The following C6orf132 variants were observed in gnomAD, a reference collection of about 807,000 sequenced individuals.
C6orf132 encodes uncharacterized protein C6orf132.
A neutral mutation model predicts 65.3 loss-of-function variants in C6orf132; 43 were observed. That is an observed-to-expected ratio of 0.66 (90% CI 0.52 to 0.85). The LOEUF (loss-of-function observed/expected upper bound fraction) is 0.85, where lower values mean the gene tolerates loss of function less well. C6orf132 is among the 40% of genes least tolerant of loss of function. The probability of loss-of-function intolerance (pLI) is 0.00; values close to 1 mark genes in which losing one functional copy is unlikely to be tolerated. For synonymous variants in C6orf132, 631 were observed against 654.1 expected (o/e 0.96, Z 0.54); for missense variants, 1,488 against 1,548.8 (o/e 0.96, Z 0.66).
At chr6:42,141,860 G>C (rs556250863) in intron 1 of C6orf132, among the ~76,000 whole-genome samples, 64 of 152,292 alleles carry the variant, frequency 4.2e-4, no homozygotes, top group Middle Eastern at 3.4e-3. Context: ...GGGTGAGGGA[G>C]GAGTTCTTAG....
chr6:42,117,165 T>C (rs955360102), intron 2 of C6orf132, among the ~76,000 whole-genome samples: 1 of 152,218 alleles, frequency 6.6e-6, no homozygotes, highest in African/African-American at 2.4e-5. Context: ...TGTGTGATCC[T>C]CAGGCTCTGT....
At position 42,107,539 on chromosome 6, in the gene C6orf132, C is replaced by A; in HGVS notation, c.373G>T (p.Val125Leu). The change falls in exon 4 of 5, where the codon GTG becomes TTG. Residue 125 changes from valine (V) to leucine (L), a missense_variant. Physicochemically the swap from Val to Leu is conservative, Grantham distance 32. Coordinates refer to ENST00000341865, the MANE Select transcript of C6orf132 (RefSeq NM_001164446.3). ...TATTGTCCAGGCCTCAGGTCACCCA[C>A]AGAGCTGTACAGTCGGAGGTTGCCA... is the stretch of plus-strand genomic sequence containing the variant. ...VNGNLRLYSSVGDLRPGQYGQ... is the reference protein window; with the variant it reads ...VNGNLRLYSSLGDLRPGQYGQ... The A allele has an allele frequency of 6.4e-7, 1 of 1,550,680 alleles. No individual in the cohort carries two copies. The highest frequency in any genetic ancestry group is 8.7e-7 in the Non-Finnish European group (1 of 1,146,708).
intron 2 of C6orf132, among the ~76,000 whole-genome samples, chr6:42,122,583 C>G (rs927354407): frequency 2.6e-4 from 40 of 152,276 alleles, no homozygotes; most frequent in African/African-American, 9.6e-4. Flanking sequence ...CCTAACACCC[C>G]ACACCCCTCA....
chr6:42,112,663 C>T (rs998939425), intron 2 of C6orf132, among the ~76,000 whole-genome samples: 1 of 152,230 alleles, frequency 6.6e-6, no homozygotes, highest in African/African-American at 2.4e-5. Context: ...AGGGGAGACA[C>T]TTGTTTGCAC....
chr6:42,139,568 T>C (rs1767002221), intron 1 of C6orf132, among the ~76,000 whole-genome samples: 1 of 152,248 alleles, frequency 6.6e-6, no homozygotes, highest in Non-Finnish European at 1.5e-5. Context: ...AAGCAGGCCA[T>C]GGGCCAGAAT....
rs1378533407 is a variant in C6orf132, at chr6:42,104,941, C to T, written c.2971G>A (p.Glu991Lys). Residue 991 changes from glutamate to lysine, a missense_variant, in exon 4 of 5, where the codon GAG becomes AAG. Coordinates refer to ENST00000341865, the MANE Select transcript of C6orf132 (RefSeq NM_001164446.3). This position sits in a 1 kb window ranked among gnomAD's most constrained non-coding sequence, Gnocchi z 4.1. ...FNFEVIPPPPEFSNDPEPPAP... is the reference protein window; with the variant it reads ...FNFEVIPPPPKFSNDPEPPAP... ...GGGGGCTCAGGGTCATTGCTGAACTCTGGCGGCGGTGGGATGACCTCGAAG... is the reference window on the plus strand; with the variant it reads ...GGGGGCTCAGGGTCATTGCTGAACTTTGGCGGCGGTGGGATGACCTCGAAG... The T allele has an allele frequency of 2.0e-6, 3 of 1,477,704 alleles. No homozygotes were observed. Among genetic ancestry groups the T allele is most frequent in the Non-Finnish European group, 2.7e-6 (3 of 1,118,894 alleles). The allele number at this position is 1,477,704 out of a possible 1,614,324, so 91.5% of individuals were successfully genotyped here.
intron 2 of C6orf132, among the ~76,000 whole-genome samples, chr6:42,126,225 T>C (rs995394871): frequency 2.6e-5 from 4 of 151,532 alleles, no homozygotes; most frequent in African/African-American, 2.4e-5. Flanking sequence ...GGATTACAGG[T>C]GTGTGCCACC....
chr6:42,126,861 A>AAG, intron 2 of C6orf132: 1 of 455,962 alleles, frequency 2.2e-6, no homozygotes, highest in Non-Finnish European at 3.9e-6. Context: ...AAAAAAAAAA[A>AAG]AGAATATTTC....
At chr6:42,114,098 A>AAGG (rs1766531456) in intron 2 of C6orf132, among the ~76,000 whole-genome samples, 1 of 152,132 alleles carries the variant, frequency 6.6e-6, no homozygotes, top group African/African-American at 2.4e-5. Context: ...CTAAGGTAAT[A>AAGG]TTACTCACTA....
Position 42,106,935 on chromosome 6 carries a change from T to A in C6orf132, c.977A>T (p.Lys326Met), listed in dbSNP as rs1279325853. The A allele has an allele frequency of 6.5e-7, 1 of 1,536,204 alleles. No homozygotes were observed. The highest frequency in any genetic ancestry group is 8.7e-7 in the Non-Finnish European group (1 of 1,146,518). The change falls in exon 4 of 5, where the codon AAG becomes ATG. Residue 326 changes from lysine (K) to methionine (M), a missense_variant. Coordinates refer to ENST00000341865, the MANE Select transcript of C6orf132 (RefSeq NM_001164446.3). ...AGCCTTCTTGGTGGCCCCCTCTTCCTTTCGGGGAGCCTCTTGTGCTTCCTG... is the reference window on the plus strand; with the variant it reads ...AGCCTTCTTGGTGGCCCCCTCTTCCATTCGGGGAGCCTCTTGTGCTTCCTG... ...PVQEAQEAPR[K>M]EEGATKKAPS...
At chr6:42,122,717 A>T (rs1186178443) in intron 2 of C6orf132, among the ~76,000 whole-genome samples, 2 of 152,138 alleles carry the variant, frequency 1.3e-5, no homozygotes, top group Non-Finnish European at 2.9e-5. Flanking sequence ...GTTTAGAGAA[A>T]AGCTCCTGCA....
Position 42,107,474 on chromosome 6 carries a change from T to C in C6orf132, c.438A>G (p.Pro146=), listed in dbSNP as rs1391411646. Residue 146 remains proline, a synonymous_variant, in exon 4 of 5, where the codon CCA becomes CCG. Transcript: ENST00000341865. Reference sequence around the variant, plus strand: ...AAATGTCCTGAGGGGGCCCTGGGGCTGGGCCTGGGGGAGGTGGGGGGATGA... The same window carrying C: ...AAATGTCCTGAGGGGGCCCTGGGGCCGGGCCTGGGGGAGGTGGGGGGATGA... ...DLLIPPPPPG[P]APGPPQDISE... The C allele has an allele frequency of 2.5e-6, 3 of 1,213,466 alleles. No individual in the cohort carries two copies. Among genetic ancestry groups the C allele is most frequent in the East Asian group, 5.4e-5 (1 of 18,528 alleles). The allele number at this position is 1,213,466 out of a possible 1,614,324, so 75.2% of individuals were successfully genotyped here.
chr6:42,118,125 A>G (rs1766612023), intron 2 of C6orf132, among the ~76,000 whole-genome samples: 1 of 152,126 alleles, frequency 6.6e-6, no homozygotes, highest in Non-Finnish European at 1.5e-5. Flanking sequence ...CCCTTCTGTG[A>G]GTCAGCTCAC....
rs1204387603 is a variant in C6orf132 at position 42,104,980 on chromosome 6, C to T, written c.2932G>A (p.Glu978Lys). ...ATGACCTCGAAGTTGAACTCCTCCTCCTCCTCCTCCCTCTTGTTCGAAGGA... is the reference window on the plus strand; with the variant it reads ...ATGACCTCGAAGTTGAACTCCTCCTTCTCCTCCTCCCTCTTGTTCGAAGGA... ...PSPSNKREEE[E>K]EEFNFEVIPP... Residue 978 changes from glutamate to lysine, a missense_variant, in exon 4 of 5, where the codon GAG (glutamate) becomes AAG (lysine). By Grantham distance (56) the Glu-to-Lys change is moderately conservative. Coordinates refer to ENST00000341865, the MANE Select transcript of C6orf132 (RefSeq NM_001164446.3). The surrounding 1 kb of genome is among the most constrained non-coding windows in gnomAD (Gnocchi z 4.1). 3 of 1,507,342 alleles carry T rather than the reference C, an allele frequency of 2.0e-6. No individual in the cohort carries two copies. The highest frequency in any genetic ancestry group is 8.8e-7 in the Non-Finnish European group (1 of 1,131,992). 93.4% of individuals were successfully genotyped at this position (1,507,342 alleles called of 1,614,324 possible).
intron 1 of C6orf132, among the ~76,000 whole-genome samples, chr6:42,140,297 A>T (rs770590880): frequency 6.6e-6 from 1 of 152,248 alleles, no homozygotes; most frequent in Non-Finnish European, 1.5e-5. Context: ...AGAGGTGCTG[A>T]TGCCCACTAG....
In C6orf132 at chr6:42,120,091, C is replaced by T. The variant is rs537152123; in HGVS notation, c.252+8581G>A. ...CCTGGGCAACAAGAGCGAAACTCCA[C>T]CTCGAAAACAAAAACAAAAACAAAA... On this transcript the variant is annotated intron_variant, in intron 2 of 4. Coordinates refer to ENST00000341865, the MANE Select transcript of C6orf132 (RefSeq NM_001164446.3). Among the ~76,000 whole-genome samples, 252 of 151,674 alleles carry T rather than the reference C, an allele frequency of 1.7e-3. 2 individuals carry two copies. Among genetic ancestry groups the T allele is most frequent in the African/African-American group, 5.5e-3 (227 of 41,396 alleles).
chr6:42,133,311 AAG>A (rs1316918024), intron 1 of C6orf132, among the ~76,000 whole-genome samples: 3 of 152,250 alleles, frequency 2.0e-5, no homozygotes, highest in African/African-American at 7.2e-5. Context: ...TGCAGTGAGA[AAG>A]AGGGGCACAG....
intron 2 of C6orf132, among the ~76,000 whole-genome samples, chr6:42,125,891 G>A (rs1766756208): frequency 6.6e-6 from 1 of 152,188 alleles, no homozygotes; most frequent in African/African-American, 2.4e-5. Flanking sequence ...GGTCTTTGAG[G>A]GGCCCATAGC....
intron 2 of C6orf132, among the ~76,000 whole-genome samples, chr6:42,114,595 G>A (rs1766538347): frequency 6.6e-6 from 1 of 152,228 alleles, no homozygotes; most frequent in Admixed American, 6.5e-5. Context: ...TGGCGTGGAT[G>A]GTGACATATT....
Sources: allele counts gnomAD v4.1 joint callset (sites outside exome capture counted in the v4.1 genomes callset), GRCh38; gene constraint gnomAD v4.1.1; non-coding constraint Gnocchi (gnomAD v3.1); transcripts MANE v1.5; gene names NCBI Gene and HGNC (gene_info 2026-07-23, HGNC 2026-07-21).